The following MYOF variants were observed in gnomAD, a reference collection of about 807,000 sequenced individuals.
The protein encoded by MYOF is fer-1-like 3, myoferlin.
MYOF carries 244 observed loss-of-function variants against 284.2 expected under a neutral mutation model. That is an observed-to-expected ratio of 0.86 (90% confidence interval 0.77 to 0.95). The LOEUF (loss-of-function observed/expected upper bound fraction) is 0.95. Ranked by LOEUF, MYOF falls within the 40% of genes least tolerant of loss-of-function variation. MYOF has a pLI of 0.00. For missense variants in MYOF, 2,496 were observed against 2,560.6 expected (o/e 0.97, Z 0.54); for synonymous variants, 904 against 919.7 (o/e 0.98, Z 0.31).
intron 2 of MYOF, among the ~76,000 whole-genome samples, chr10:93,452,543 T>G (rs1435414708): frequency 9.2e-6 from 1 of 108,894 alleles, no homozygotes; most frequent in Non-Finnish European, 1.7e-5. Flanking sequence ...CATCACACAC[T>G]GGGGCCCGTT....
At chr10:93,345,195 A>G (rs1457871820) in intron 37 of MYOF, among the ~76,000 whole-genome samples, 1 of 152,220 alleles carries the variant, frequency 6.6e-6, no homozygotes, top group Non-Finnish European at 1.5e-5. Flanking sequence ...TTCGGTACCC[A>G]CCATGTGCTG....
intron 43 of MYOF, among the ~76,000 whole-genome samples, chr10:93,331,438 T>C (rs1031721621): frequency 3.9e-5 from 6 of 152,074 alleles, no homozygotes; most frequent in African/African-American, 1.2e-4. Context: ...GAGCAAGACT[T>C]TTCCTGCCAC....
intron 1 of MYOF, among the ~76,000 whole-genome samples, chr10:93,463,439 G>A (rs1055776455): frequency 2.1e-4 from 26 of 122,282 alleles, no homozygotes; most frequent in African/African-American, 7.2e-4. Context: ...TCACTCTGTC[G>A]CCCAGGATCT....
At position 93,426,092 on chromosome 10, in the gene MYOF, G is replaced by T; in HGVS notation, c.412C>A (p.Pro138Thr). ...TTACCTCCCATGCCTGGCACGCTGG[G>T]CCCGCTCAGGTCATTTGGATGTGGA... ...SAPHPNDLSG[P>T]SVPGMGGDGE... The change falls in exon 5 of 54, where the codon CCC becomes ACC. Residue 138 changes from proline to threonine, a missense_variant. By Grantham distance (38) the Pro-to-Thr change is conservative. Transcript: ENST00000359263. The T allele has an allele frequency of 6.4e-7, 1 of 1,558,430 alleles. No homozygotes were observed. The highest frequency in any genetic ancestry group is 8.7e-7 in the Non-Finnish European group (1 of 1,150,452).
chr10:93,425,934 G>A, intron 5 of MYOF, 137 bp downstream of exon 5: 1 of 782,884 alleles, frequency 1.3e-6, no homozygotes, highest in East Asian at 2.7e-5. Flanking sequence ...AGCCCCACCT[G>A]CCTCTCGGGG....
At chr10:93,449,048 G>A (rs2056517419) in intron 3 of MYOF, among the ~76,000 whole-genome samples, 1 of 151,976 alleles carries the variant, frequency 6.6e-6, no homozygotes, top group African/African-American at 2.4e-5. Flanking sequence ...TTAAGCCCAG[G>A]ATCTGAAACC....
At chr10:93,452,362 C>T (rs541231299) in intron 2 of MYOF, among the ~76,000 whole-genome samples, 1 of 152,166 alleles carries the variant, frequency 6.6e-6, no homozygotes, top group African/African-American at 2.4e-5. Context: ...CAACTCCTGG[C>T]TTCCTGCTTT....
In MYOF at chr10:93,325,949, C is replaced by T. The variant is rs970122732; in HGVS notation, c.5148G>A (p.Leu1716=). ...CTTCAGGGGCCCCGAGGTGCTGGTG[C>T]AGGATTTTGTTGGCTTCTGCAATGG... ...SLDEFEANKI[L]HQHLGAPEER... The change falls in exon 46 of 54, where the codon CTG becomes CTA. Residue 1716 remains leucine (L), a synonymous_variant. Transcript: ENST00000359263. The T allele has an allele frequency of 7.4e-6, 12 of 1,613,896 alleles. No individual in the cohort carries two copies. In the Admixed American group the frequency reaches 1.0e-4, roughly 13 times the overall value.
chr10:93,314,041 A>G lies in MYOF; in HGVS notation c.5699-831T>C, dbSNP rs540500244. ...ACGCTCACCAGGAACTGAGACTCCT[A>G]GCCTCAATCAGAGTGTCTGGAGAAG... is the stretch of plus-strand genomic sequence containing the variant. On this transcript the variant is annotated intron_variant, in intron 50 of 53. Coordinates refer to ENST00000359263, the MANE Select transcript of MYOF (RefSeq NM_013451.4). Among the ~76,000 whole-genome samples the G allele has an allele frequency of 9.8e-5, 15 of 152,360 alleles. No homozygotes were observed. The East Asian group carries it at 2.7e-3, about 27-fold the overall frequency.
At chr10:93,458,444 T>C (rs2056795721) in intron 1 of MYOF, among the ~76,000 whole-genome samples, 1 of 151,886 alleles carries the variant, frequency 6.6e-6, no homozygotes, top group African/African-American at 2.4e-5. Context: ...ACATTCAAAG[T>C]CACCCAGTTG....
chr10:93,444,847 G>T (rs780346677), intron 3 of MYOF, among the ~76,000 whole-genome samples: 45 of 152,284 alleles, frequency 3.0e-4, no homozygotes, highest in Non-Finnish European at 6.0e-4. Flanking sequence ...GGAACTCAAG[G>T]GTAGGGCCAG....
At chr10:93,404,311 A>G in intron 7 of MYOF, 92 bp from the exon 8 acceptor site, 1 of 1,326,002 alleles carries the variant, frequency 7.5e-7, no homozygotes, top group Non-Finnish European at 1.1e-6. Context: ...CTCCTAAAAA[A>G]TGCAAAACAC....
chr10:93,310,639 T>C lies in MYOF; in HGVS notation c.5894A>G (p.Lys1965Arg). Reference sequence around the variant, plus strand: ...GAGGATTTCCAATGTCATCTCCACTTTCCCCTTCAGTAAAGCAGAGCAGGT... The same window carrying C: ...GAGGATTTCCAATGTCATCTCCACTCTCCCCTTCAGTAAAGCAGAGCAGGT... ...EKDGARVMAGKVEMTLEILNE... is the reference protein window; with the variant it reads ...EKDGARVMAGRVEMTLEILNE... Residue 1965 changes from lysine to arginine, a missense_variant, in exon 52 of 54, where the codon AAA becomes AGA. By Grantham distance (26) the Lys-to-Arg change is conservative. Coordinates refer to ENST00000359263, the MANE Select transcript of MYOF (RefSeq NM_013451.4). The C allele has an allele frequency of 6.2e-7, 1 of 1,614,148 alleles. No individual in the cohort carries two copies. The highest frequency in any genetic ancestry group is 8.5e-7 in the Non-Finnish European group (1 of 1,180,002).
At chr10:93,364,154 C>T in intron 26 of MYOF, 79 bp from the exon 27 acceptor site, 1 of 1,178,570 alleles carries the variant, frequency 8.5e-7, no homozygotes, top group South Asian at 1.3e-5. Context: ...ACTCAGGAAG[C>T]ATCTACACCC....
chr10:93,473,447 C>G (rs2057194936), intron 1 of MYOF, among the ~76,000 whole-genome samples: 1 of 152,222 alleles, frequency 6.6e-6, no homozygotes, highest in Non-Finnish European at 1.5e-5. Context: ...AGAGTCAAGA[C>G]CCAGTCACCT....
At chr10:93,370,311 CTAATT>C (rs1476701407) in intron 24 of MYOF, among the ~76,000 whole-genome samples, 1 of 108,262 alleles carries the variant, frequency 9.2e-6, no homozygotes. Flanking sequence ...GTAATGATTA[CTAATT>C]TTTTTTTTTT....
Position 93,372,928 on chromosome 10 carries a change from A to T in MYOF, c.2457+2T>A. The T allele has an allele frequency of 6.2e-7, 1 of 1,614,204 alleles. No homozygotes were observed. The highest frequency in any genetic ancestry group is 1.1e-5 in the South Asian group (1 of 91,076). On this transcript the variant is annotated splice_donor_variant, in intron 24 of 53. Coordinates refer to ENST00000359263, the MANE Select transcript of MYOF (RefSeq NM_013451.4). LOFTEE classifies it high-confidence loss of function. ...TTCACATGACACAGTGAAGATATGTACCTTCAGAAAGATGGTTTGGGTTTT... is the reference window on the plus strand; with the variant it reads ...TTCACATGACACAGTGAAGATATGTTCCTTCAGAAAGATGGTTTGGGTTTT...
At chr10:93,326,784 G>A (rs924088885) in intron 45 of MYOF, among the ~76,000 whole-genome samples, 7 of 151,004 alleles carry the variant, frequency 4.6e-5, no homozygotes, top group African/African-American at 1.5e-4. Context: ...GCCACCACAC[G>A]CAGCTAATTT....
chr10:93,350,026 C>G (rs1844432311), intron 35 of MYOF, 57 bp from the exon 36 acceptor site: 1 of 1,528,420 alleles, frequency 6.5e-7, no homozygotes, highest in Admixed American at 2.0e-5. Flanking sequence ...AAATAATATT[C>G]AAAAGGAAAA....
Sources: allele counts gnomAD v4.1 joint callset (sites outside exome capture counted in the v4.1 genomes callset), GRCh38; gene constraint gnomAD v4.1.1; transcripts MANE v1.5; gene names NCBI Gene and HGNC (gene_info 2026-07-23, HGNC 2026-07-21).